The following YBX3 variants were observed in gnomAD, a reference collection of about 807,000 sequenced individuals.
YBX3 encodes Y-box binding protein 3, also known as Y-box-binding protein 3.
YBX3 carries 29 observed loss-of-function variants against 42.4 expected under a neutral mutation model. That is an observed-to-expected ratio of 0.68 (90% CI 0.51 to 0.93). YBX3 has a LOEUF of 0.93. YBX3 is among the 40% of genes least tolerant of loss of function. The pLI is 0.00. For missense variants in YBX3, 517 were observed against 527.5 expected (o/e 0.98, Z 0.19); for synonymous variants, 195 against 189.8 (o/e 1.03, Z -0.22).
chr12:10,716,330 C>T (rs908263130), intron 3 of YBX3, among the ~76,000 whole-genome samples: 4 of 152,162 alleles, frequency 2.6e-5, no homozygotes, highest in African/African-American at 4.8e-5. Flanking sequence ...TATCTGAAGT[C>T]ACAACCGTAA....
chr12:10,715,868 C>T (rs1431326378), intron 3 of YBX3, 85 bp from the exon 4 acceptor site: 4 of 1,112,958 alleles, frequency 3.6e-6, no homozygotes, highest in Admixed American at 2.0e-5. Flanking sequence ...CCAGAGTGAA[C>T]TTGAAGAAAC....
chr12:10,723,038 G>A lies in YBX3; in HGVS notation c.74C>T (p.Ala25Val). 1 of 1,205,624 alleles carries A rather than the reference G, an allele frequency of 8.3e-7. No individual in the cohort carries two copies. The highest frequency in any genetic ancestry group is 1.0e-6 in the Non-Finnish European group (1 of 972,660). The allele number at this position is 1,205,624 out of a possible 1,614,324, so 74.7% of individuals were successfully genotyped here. Residue 25 changes from alanine to valine, a missense_variant, in exon 1 of 10, where the codon GCG becomes GTG. This residue lies in a region of YBX3 where 86 missense variants were observed against 82.5 expected (regional missense o/e 1.04). Transcript: ENST00000228251. The stretch of plus-strand genomic sequence containing the variant: ...CTTGGGCGCGGGGTCCTGGGGAGCC[G>A]CGGCGGCCGCCTCCGTCGGAGCCTG... Reference protein sequence around the residue: ...LPQAPTEAAAAAPQDPAPKSP... With the variant: ...LPQAPTEAAAVAPQDPAPKSP...
chr12:10,718,826 C>A (rs1948292476), intron 2 of YBX3, among the ~76,000 whole-genome samples: 1 of 152,166 alleles, frequency 6.6e-6, no homozygotes, highest in Admixed American at 6.5e-5. Flanking sequence ...TAAGGCCCTT[C>A]CCATTTCTGA....
intron 2 of YBX3, chr12:10,718,412 G>C (rs1024693795): frequency 3.3e-6 from 1 of 301,526 alleles, no homozygotes; most frequent in East Asian, 6.0e-5. Flanking sequence ...TGTGTAATCA[G>C]AGCCTCAGAT....
chr12:10,701,042 A>C (rs951835329), intron 9 of YBX3, among the ~76,000 whole-genome samples: 1 of 152,188 alleles, frequency 6.6e-6, no homozygotes, highest in Non-Finnish European at 1.5e-5. Context: ...ACTCTGTCTG[A>C]ATGCTTATAC....
intron 1 of YBX3, among the ~76,000 whole-genome samples, chr12:10,719,632 G>A (rs1435983177): frequency 6.6e-6 from 1 of 152,208 alleles, no homozygotes; most frequent in East Asian, 1.9e-4. Context: ...AAAGCAACTT[G>A]TCCAGTCGCC....
intron 8 of YBX3, among the ~76,000 whole-genome samples, chr12:10,701,595 T>C (rs1354975849): frequency 1.4e-5 from 2 of 138,284 alleles, no homozygotes; most frequent in East Asian, 2.8e-4. Context: ...TAGTACCATA[T>C]AAGAACAGCT....
intron 4 of YBX3, 152 bp downstream of exon 4, chr12:10,715,542 T>C (rs911796211): frequency 2.3e-5 from 16 of 707,472 alleles, no homozygotes; most frequent in Non-Finnish European, 3.6e-5. Flanking sequence ...AGACCCCATC[T>C]TAAAAAAAAA....
intron 1 of YBX3, among the ~76,000 whole-genome samples, chr12:10,722,639 GGCGCAGC>G (rs1478533938): frequency 1.3e-5 from 2 of 152,232 alleles, no homozygotes. Flanking sequence ...AGGAGCGCAG[GGCGCAGC>G]GCGCTCACCT....
chr12:10,701,313 G>A lies in YBX3; in HGVS notation c.1094C>T (p.Pro365Leu). The A allele has an allele frequency of 1.3e-6, 1 of 780,928 alleles. No individual in the cohort carries two copies. The highest frequency in any genetic ancestry group is 2.4e-5 in the East Asian group (1 of 41,244). The allele number at this position is 780,928 out of a possible 1,614,324, so 48.4% of individuals were successfully genotyped here. A position where few individuals can be genotyped will look rare whatever the true frequency, so the allele number is the denominator to read the frequency against. Residue 365 changes from proline (P) to leucine (L), a missense_variant, in exon 9 of 10, where the codon CCC becomes CTC. Pro to Leu is a moderately conservative substitution (Grantham distance 98). Around this residue, in one of 3 missense-constraint regions of YBX3, gnomAD observed 420 missense variants for 408.5 expected, o/e 1.03. Transcript: ENST00000228251. The part of the protein sequence containing the change: ...GEAPTENPAP[P>L]TQQSSAE ...TTACTCAGCACTGCTCTGCTGGGTGGGTGGAGCAGGGTTCTCAGTTGGTGC... is the reference window on the plus strand; with the variant it reads ...TTACTCAGCACTGCTCTGCTGGGTGAGTGGAGCAGGGTTCTCAGTTGGTGC...
At position 10,699,432 on chromosome 12, in the gene YBX3, C is replaced by T. The variant is rs1053024620; in HGVS notation, c.*257G>A. 6.6e-6 allele frequency: 1 copy of T among 152,602 alleles called. No individual in the cohort carries two copies. The highest frequency in any genetic ancestry group is 2.4e-5 in the African/African-American group (1 of 41,442). 9.5% of individuals were successfully genotyped at this position (152,602 alleles called of 1,614,324 possible). On this transcript the variant is annotated 3_prime_UTR_variant, in exon 10 of 10. Transcript: ENST00000228251. ...GCGGTTGCTGAAACTGGAGAGGCTACTCTCTTGTCTTCCGTGCAGGAATTC... is the reference window on the plus strand; with the variant it reads ...GCGGTTGCTGAAACTGGAGAGGCTATTCTCTTGTCTTCCGTGCAGGAATTC...
At chr12:10,708,038 T>C (rs961210203) in intron 6 of YBX3, among the ~76,000 whole-genome samples, 3 of 152,314 alleles carry the variant, frequency 2.0e-5, no homozygotes, top group Admixed American at 6.5e-5. Context: ...ACAAAAAATA[T>C]GGAAACCACT....
chr12:10,722,976 G>A lies in YBX3; in HGVS notation c.136C>T (p.Pro46Ser), dbSNP rs995130844. 2 of 1,236,476 alleles carry A rather than the reference G, an allele frequency of 1.6e-6. No homozygotes were observed. The highest frequency in any genetic ancestry group is 3.2e-5 in the African/African-American group (2 of 63,402). 76.6% of individuals were successfully genotyped at this position (1,236,476 alleles called of 1,614,324 possible). Residue 46 changes from proline to serine, a missense_variant, in exon 1 of 10, where the codon CCG becomes TCG. Pro to Ser is a moderately conservative substitution (Grantham distance 74). Coordinates refer to ENST00000228251, the MANE Select transcript of YBX3 (RefSeq NM_003651.5). ...CCTGCGACGTGGGCGGCGGGCGCCG[G>A]GGCCGCGGCCTGGGGCGCACCGCTG... ...VGSGAPQAAA[P>S]APAAHVAGNP...
At chr12:10,706,018 G>A (rs79517088) in intron 6 of YBX3, among the ~76,000 whole-genome samples, 9,542 of 152,218 alleles carry the variant, frequency 0.063, 381 homozygotes, top group East Asian at 0.13. Flanking sequence ...AAAAAATTGG[G>A]GGACAGGTAT....
At chr12:10,713,655 A>G (rs1180410355) in intron 4 of YBX3, among the ~76,000 whole-genome samples, 1 of 152,238 alleles carries the variant, frequency 6.6e-6, no homozygotes, top group Non-Finnish European at 1.5e-5. Flanking sequence ...CTAGACCAGG[A>G]AGAATATTCC....
At chr12:10,700,514 T>C (rs1420065148) in intron 9 of YBX3, among the ~76,000 whole-genome samples, 1 of 152,134 alleles carries the variant, frequency 6.6e-6, no homozygotes, top group Non-Finnish European at 1.5e-5. Flanking sequence ...CTGGCTATAA[T>C]TCTATGTAAA....
In YBX3 at chr12:10,723,244, G is replaced by A; in HGVS notation, c.-133C>T. On this transcript the variant is annotated 5_prime_UTR_variant, in exon 1 of 10. Transcript: ENST00000228251. The stretch of plus-strand genomic sequence containing the variant: ...GGATCTCGCGGCGCAGGCGGCGGCG[G>A]CCGAGGTGGGGTCGCGCGGCGGAGG... The A allele has an allele frequency of 8.6e-7, 1 of 1,164,846 alleles. No individual in the cohort carries two copies. Among genetic ancestry groups the A allele is most frequent in the Non-Finnish European group, 1.1e-6 (1 of 943,702 alleles). The allele number at this position is 1,164,846 out of a possible 1,614,324, so 72.2% of individuals were successfully genotyped here.
Position 10,719,127 on chromosome 12 carries a change from G to T in YBX3, c.279C>A (p.Gly93=). The change falls in exon 2 of 10, where the codon GGC becomes GGA. Residue 93 remains glycine (G), a synonymous_variant. Transcript: ENST00000228251. ...EKKVLATKVL[G]TVKWFNVRNG... ...TTCTGACGTTGAACCATTTGACAGT[G>T]CCAAGGACTTTGGTGGCTAAAATAG... 6.2e-7 allele frequency: 1 copy of T among 1,613,542 alleles called. No individual in the cohort carries two copies. Among genetic ancestry groups the T allele is most frequent in the Non-Finnish European group, 8.5e-7 (1 of 1,179,694 alleles).
At chr12:10,709,828 T>TGGA (rs766730575) in intron 6 of YBX3, 80 bp downstream of exon 6, 42 of 1,532,758 alleles carry the variant, frequency 2.7e-5, no homozygotes, top group Middle Eastern at 4.0e-4. Context: ...CAGCTGATGT[T>TGGA]GGAGGAGGAG....
Sources: gnomAD v4.1 joint callset for allele counts (sites outside exome capture counted in the v4.1 genomes callset) on GRCh38, gnomAD v4.1.1 for gene constraint, gnomAD v4.1.1 regional missense constraint, MANE v1.5 for transcripts, NCBI Gene and HGNC (gene_info 2026-07-23, HGNC 2026-07-21) for gene names.